The following DTNA variants were observed in gnomAD, a reference collection of about 807,000 sequenced individuals.
DTNA encodes dystrophin-related protein 3.
A neutral mutation model predicts 100.7 loss-of-function variants in DTNA; 43 were observed. The observed-to-expected ratio is 0.43, with a 90% CI of 0.33 to 0.55. The LOEUF is 0.55. DTNA is among the 20% of genes least tolerant of loss of function. DTNA has a pLI of 0.04. For synonymous variants in DTNA, 349 were observed against 347.9 expected, an observed-to-expected ratio of 1.00 and a Z score of -0.04; for missense variants, 798 against 953.9, an observed-to-expected ratio of 0.84 and a Z score of 2.15.
intron 1 of DTNA, among the ~76,000 whole-genome samples, chr18:34,653,623 G>A (rs994010743): frequency 6.6e-6 from 1 of 152,138 alleles, no homozygotes; most frequent in Non-Finnish European, 1.5e-5. Context: ...AGGAGTTTGA[G>A]ACCAGCCTGG....
chr18:34,787,993 C>T (rs986991627), intron 3 of DTNA, among the ~76,000 whole-genome samples: 4 of 152,106 alleles, frequency 2.6e-5, no homozygotes, highest in Non-Finnish European at 5.9e-5. Flanking sequence ...TTATGCAAAC[C>T]GTTGCCTTTC....
At chr18:34,687,920 T>C (rs922692165) in intron 1 of DTNA, among the ~76,000 whole-genome samples, 1 of 152,172 alleles carries the variant, frequency 6.6e-6, no homozygotes, top group Non-Finnish European at 1.5e-5. Flanking sequence ...TTGATCTTTG[T>C]TGGTTTAAAG....
intron 1 of DTNA, among the ~76,000 whole-genome samples, chr18:34,752,394 A>G (rs1202049743): frequency 6.6e-6 from 1 of 152,202 alleles, no homozygotes; most frequent in African/African-American, 2.4e-5. Flanking sequence ...GTAGTCAGGC[A>G]TTGTGTGTCT....
intron 1 of DTNA, among the ~76,000 whole-genome samples, chr18:34,604,444 G>A (rs960521446): frequency 1.7e-4 from 26 of 152,024 alleles, no homozygotes; most frequent in African/African-American, 5.6e-4. Flanking sequence ...AGATTCAGAG[G>A]CTATAATGAT....
chr18:34,832,184 A>C (rs886268990), intron 11 of DTNA, among the ~76,000 whole-genome samples: 7 of 152,204 alleles, frequency 4.6e-5, no homozygotes, highest in African/African-American at 1.7e-4. Flanking sequence ...ATCCATTTTC[A>C]GTCATAAAAT....
intron 1 of DTNA, among the ~76,000 whole-genome samples, chr18:34,512,743 TATATCCTTGCATTG>T (rs2041216461): frequency 6.6e-6 from 1 of 152,048 alleles, no homozygotes; most frequent in Non-Finnish European, 1.5e-5. Context: ...AAAAACATGG[TATATCCTTGCATTG>T]ATATCTTTCA....
intron 1 of DTNA, among the ~76,000 whole-genome samples, chr18:34,638,584 A>G (rs995363339): frequency 6.6e-6 from 1 of 152,148 alleles, no homozygotes; most frequent in South Asian, 2.1e-4. Context: ...TTATGTGTTG[A>G]TTTACAGTTT....
intron 1 of DTNA, among the ~76,000 whole-genome samples, chr18:34,567,407 T>C (rs1176899572): frequency 2.0e-5 from 3 of 152,196 alleles, no homozygotes; most frequent in Non-Finnish European, 2.9e-5. Context: ...TTGGCTGTTA[T>C]GATATTTTTA....
chr18:34,617,010 T>C (rs1250607123), intron 1 of DTNA, among the ~76,000 whole-genome samples: 5 of 152,196 alleles, frequency 3.3e-5, no homozygotes, highest in Non-Finnish European at 7.3e-5. Flanking sequence ...TTATCATATC[T>C]AATATCTTTT....
chr18:34,877,646 G>A (rs754454883), intron 18 of DTNA, 73 bp from the exon 19 acceptor site: 17 of 1,360,110 alleles, frequency 1.2e-5, no homozygotes, highest in Admixed American at 1.9e-5. Context: ...TAATGGGAAG[G>A]ATAAATAAAC....
intron 13 of DTNA, among the ~76,000 whole-genome samples, chr18:34,840,953 A>G (rs1271893371): frequency 2.0e-5 from 3 of 152,110 alleles, no homozygotes; most frequent in Non-Finnish European, 4.4e-5. Flanking sequence ...TGTAGCTACA[A>G]TGCTTTACCA....
intron 1 of DTNA, among the ~76,000 whole-genome samples, chr18:34,604,448 T>C (rs2052585695): frequency 6.6e-6 from 1 of 152,198 alleles, no homozygotes; most frequent in Non-Finnish European, 1.5e-5. Context: ...TCAGAGGCTA[T>C]AATGATGTCA....
chr18:34,690,435 T>G (rs772413156), intron 1 of DTNA, among the ~76,000 whole-genome samples: 2 of 152,186 alleles, frequency 1.3e-5, no homozygotes, highest in Non-Finnish European at 2.9e-5. Context: ...TGCCCCACCC[T>G]GCTTCGGCTG....
intron 1 of DTNA, among the ~76,000 whole-genome samples, chr18:34,534,946 T>C (rs910843667): frequency 6.6e-6 from 1 of 152,188 alleles, no homozygotes; most frequent in Admixed American, 6.5e-5. Context: ...AGTGCTGCAG[T>C]AAACATATGT....
At chr18:34,669,281 A>G (rs1261004486) in intron 1 of DTNA, among the ~76,000 whole-genome samples, 1 of 152,098 alleles carries the variant, frequency 6.6e-6, no homozygotes, top group Non-Finnish European at 1.5e-5. Flanking sequence ...TTTGCTTGGT[A>G]GATCTTCCTC....
chr18:34,772,812 G>A (rs923873051), intron 3 of DTNA, among the ~76,000 whole-genome samples: 1 of 152,160 alleles, frequency 6.6e-6, no homozygotes, highest in Non-Finnish European at 1.5e-5. Context: ...CTGGGTTTTC[G>A]GCTTAGCTTT....
At chr18:34,494,699 T>A (rs2038989359) in intron 1 of DTNA, among the ~76,000 whole-genome samples, 1 of 152,114 alleles carries the variant, frequency 6.6e-6, no homozygotes, top group Non-Finnish European at 1.5e-5. Flanking sequence ...AAATATTGGA[T>A]GTGCCTTGCA....
chr18:34,751,145 T>C (rs551076163), intron 1 of DTNA, among the ~76,000 whole-genome samples: 1 of 152,338 alleles, frequency 6.6e-6, no homozygotes, highest in South Asian at 2.1e-4. Flanking sequence ...CAAAAGATTA[T>C]TTCCTAATAT....
At chr18:34,833,027 G>A (rs1261041516) in intron 11 of DTNA, among the ~76,000 whole-genome samples, 1 of 151,974 alleles carries the variant, frequency 6.6e-6, no homozygotes, top group African/African-American at 2.4e-5. Flanking sequence ...TTCTTAATTT[G>A]CTATATTTCA....
Sources: allele counts gnomAD v4.1 joint callset (sites outside exome capture counted in the v4.1 genomes callset), GRCh38; gene constraint gnomAD v4.1.1; transcripts MANE v1.5; gene names NCBI Gene and HGNC (gene_info 2026-07-23, HGNC 2026-07-21).